Variants in PSORS1C1 observed in about 807,000 individuals in gnomAD.
PSORS1C1 encodes psoriasis susceptibility 1 candidate 1.
PSORS1C1 carries 7 observed loss-of-function variants against 9.4 expected under a neutral mutation model. The ratio of observed to expected loss-of-function variants is 0.75; its 90% CI spans 0.42 to 1.40. PSORS1C1 has a LOEUF of 1.40. Among genes scored for constraint, PSORS1C1 ranks in the 40% most tolerant of loss-of-function variants. The pLI, the probability that PSORS1C1 is intolerant of heterozygous loss-of-function variation, is 0.01. For missense variants in PSORS1C1, 146 were observed against 178.1 expected (o/e 0.82, Z 1.02); for synonymous variants, 63 against 69.4 (o/e 0.91, Z 0.46).
intron 3 of PSORS1C1, among the ~76,000 whole-genome samples, chr6:31,132,276 C>G (rs1224867393): frequency 6.6e-6 from 1 of 152,156 alleles, no homozygotes; most frequent in African/African-American, 2.4e-5. Flanking sequence ...AATCTCGACA[C>G]TTTGGGAGGC....
At chr6:31,117,242 G>T in intron 1 of PSORS1C1, 1 of 1,612,336 alleles carries the variant, frequency 6.2e-7, no homozygotes, top group Non-Finnish European at 8.5e-7. Context: ...GCACCTTGTA[G>T]ACTAGAGCCA....
chr6:31,131,911 C>A (rs1389701797), intron 3 of PSORS1C1, among the ~76,000 whole-genome samples: 1 of 152,218 alleles, frequency 6.6e-6, no homozygotes, highest in African/African-American at 2.4e-5. Context: ...TCCCCAGAAG[C>A]AGGCCCTGAG....
intron 1 of PSORS1C1, chr6:31,120,451 G>A (rs753219514): frequency 6.5e-7 from 1 of 1,527,738 alleles, no homozygotes; most frequent in Non-Finnish European, 8.9e-7. Flanking sequence ...ACTGATGGCA[G>A]CTCAAGGACA....
chr6:31,123,499 C>T (rs1365165288), intron 1 of PSORS1C1, among the ~76,000 whole-genome samples: 1 of 152,254 alleles, frequency 6.6e-6, no homozygotes, highest in East Asian at 1.9e-4. Flanking sequence ...CACAGTAGTG[C>T]AGGCAGCTCT....
At chr6:31,119,704 C>G (rs897004259) in intron 1 of PSORS1C1, among the ~76,000 whole-genome samples, 4 of 152,038 alleles carry the variant, frequency 2.6e-5, no homozygotes, top group African/African-American at 9.7e-5. Flanking sequence ...TCAAGACCAG[C>G]TTGACCAAAA....
At chr6:31,117,316 C>A in intron 1 of PSORS1C1, 7 of 1,585,580 alleles carry the variant, frequency 4.4e-6, no homozygotes, top group Non-Finnish European at 6.0e-6. Context: ...TGCAGAACCA[C>A]CCTGGGCAAT....
At chr6:31,132,909 C>T (rs1299410173) in intron 3 of PSORS1C1, among the ~76,000 whole-genome samples, 1 of 150,194 alleles carries the variant, frequency 6.7e-6, no homozygotes, top group Non-Finnish European at 1.5e-5. Flanking sequence ...AAGTGGGACC[C>T]AAGCACATGA....
chr6:31,138,775 T>C lies in PSORS1C1; in HGVS notation c.163T>C (p.Phe55Leu). Reference sequence around the variant, plus strand: ...TTGCCACATGGAGCCAGCAAACCATTTCTGGTGAGAGCCAAATGCACCTTC... The same window carrying C: ...TTGCCACATGGAGCCAGCAAACCATCTCTGGTGAGAGCCAAATGCACCTTC... ...RLCHMEPANHFWHAGDLQAMI... is the reference protein window; with the variant it reads ...RLCHMEPANHLWHAGDLQAMI... Residue 55 changes from phenylalanine to leucine, a missense_variant, in exon 5 of 6, where the codon TTC becomes CTC. Transcript: ENST00000259881. The C allele has an allele frequency of 6.2e-7, 1 of 1,614,038 alleles. No homozygotes were observed.
chr6:31,117,236 C>T lies in PSORS1C1; in HGVS notation c.-229+2345C>T. The stretch of plus-strand genomic sequence containing the variant: ...CCCAGCTGGGAGGAACCGGATGCAC[C>T]TTGTAGACTAGAGCCAGATCCGGAG... On this transcript the variant is annotated intron_variant, in intron 1 of 5. Transcript: ENST00000259881. 6.2e-7 allele frequency: 1 copy of T among 1,613,042 alleles called. No individual in the cohort carries two copies. Among genetic ancestry groups the T allele is most frequent in the Non-Finnish European group, 8.5e-7 (1 of 1,179,506 alleles).
intron 3 of PSORS1C1, among the ~76,000 whole-genome samples, chr6:31,130,775 T>C (rs984422250): frequency 7.2e-5 from 11 of 152,088 alleles, no homozygotes; most frequent in African/African-American, 2.7e-4. Flanking sequence ...ATCAAACTCC[T>C]GAGCTCAAGC....
chr6:31,126,487 G>A lies in PSORS1C1; in HGVS notation c.-65+648G>A, dbSNP rs753469680. On this transcript the variant is annotated intron_variant, in intron 2 of 5. Transcript: ENST00000259881. ...TCCTGAGATTATTCCTGGTGTGGGC[G>A]GTGCTCGGCTCTACCTTTCCTTCCT... Among the ~76,000 whole-genome samples, 6 of 152,068 alleles carry A rather than the reference G, an allele frequency of 3.9e-5. No homozygotes were observed. The East Asian group carries it at 9.6e-4, about 24-fold the overall frequency.
At chr6:31,123,424 G>A (rs1479988495) in intron 1 of PSORS1C1, among the ~76,000 whole-genome samples, 1 of 152,226 alleles carries the variant, frequency 6.6e-6, no homozygotes, top group Non-Finnish European at 1.5e-5. Context: ...GGAAGAAAAG[G>A]GCATCAGCTG....
chr6:31,132,979 C>G (rs569874953), intron 3 of PSORS1C1, among the ~76,000 whole-genome samples: 1 of 149,094 alleles, frequency 6.7e-6, no homozygotes, highest in Admixed American at 6.7e-5. Context: ...ATTTGTCCAC[C>G]GTTGGTTAAG....
At chr6:31,116,368 C>A (rs1562750894) in intron 1 of PSORS1C1, 1 of 1,610,308 alleles carries the variant, frequency 6.2e-7, no homozygotes, top group Non-Finnish European at 8.5e-7. Context: ...GGAAGCACTG[C>A]CGCAGGGATG....
intron 1 of PSORS1C1, chr6:31,118,196 G>C (rs912492264): frequency 5.2e-5 from 8 of 152,692 alleles, no homozygotes; most frequent in African/African-American, 1.9e-4. Context: ...GCTGGGGGCA[G>C]AGGGGCTGAA....
intron 1 of PSORS1C1, chr6:31,120,578 G>C: frequency 2.9e-6 from 2 of 687,584 alleles, no homozygotes; most frequent in Non-Finnish European, 2.6e-6. Context: ...GGAGGAGCGT[G>C]GTAATCAGCC....
intron 1 of PSORS1C1, chr6:31,116,849 C>T (rs1368159566): frequency 6.2e-7 from 1 of 1,614,066 alleles, no homozygotes; most frequent in South Asian, 1.1e-5. Flanking sequence ...TGGTCCACCA[C>T]CACCACCACA....
chr6:31,139,963 C>T lies in PSORS1C1; in HGVS notation c.*31C>T, dbSNP rs1427654756. On this transcript the variant is annotated 3_prime_UTR_variant, in exon 6 of 6. Coordinates refer to ENST00000259881, the MANE Select transcript of PSORS1C1 (RefSeq NM_014068.3). The surrounding 1 kb of genome is among the most constrained non-coding windows in gnomAD (Gnocchi z 5.2). ...CCAGAGAGACCCCTAGAACGTTTCC[C>T]TCAAGGACCTTTCTGCCTGGAAGTC... The T allele has an allele frequency of 3.8e-6, 6 of 1,576,840 alleles. No homozygotes were observed. The highest frequency in any genetic ancestry group is 1.4e-5 in the African/African-American group (1 of 73,800).
At chr6:31,122,036 G>C (rs1488111373) in intron 1 of PSORS1C1, among the ~76,000 whole-genome samples, 1 of 152,138 alleles carries the variant, frequency 6.6e-6, no homozygotes, top group Non-Finnish European at 1.5e-5. Flanking sequence ...CCCCTGAAGG[G>C]GGCTAATGCC....
Sources: allele counts gnomAD v4.1 joint callset (sites outside exome capture counted in the v4.1 genomes callset), GRCh38; gene constraint gnomAD v4.1.1; non-coding constraint Gnocchi (gnomAD v3.1); transcripts MANE v1.5; gene names NCBI Gene and HGNC (gene_info 2026-07-23, HGNC 2026-07-21).